CCSER1: variants seen among roughly 807,000 people sequenced by gnomAD.
CCSER1 encodes coiled-coil serine rich protein 1, also known as serine-rich coiled-coil domain-containing protein 1.
Under a neutral mutation model 82.0 loss-of-function variants are expected in CCSER1, and 41 were observed. The ratio of observed to expected loss-of-function variants is 0.50; its 90% CI spans 0.39 to 0.65. The LOEUF is 0.65. Ranked by LOEUF, CCSER1 falls within the 30% of genes least tolerant of loss-of-function variation. CCSER1 has a pLI of 0.00. For missense variants in CCSER1, 1,119 were observed against 1,064.2 expected (o/e 1.05, Z -0.72); for synonymous variants, 414 against 383.9 (o/e 1.08, Z -0.92).
At chr4:91,229,051 A>G (rs1738419043) in intron 10 of CCSER1, among the ~76,000 whole-genome samples, 1 of 152,178 alleles carries the variant, frequency 6.6e-6, no homozygotes, top group African/African-American at 2.4e-5. Flanking sequence ...CGGGCCAATG[A>G]TAAATCACAT....
Position 90,832,726 on chromosome 4 carries a change from A to T in CCSER1, c.2094+16881A>T, listed in dbSNP as rs557369357. Among the ~76,000 whole-genome samples the T allele has an allele frequency of 2.0e-5, 3 of 152,344 alleles. No homozygotes were observed. The South Asian group carries it at 6.2e-4, about 32-fold the overall frequency. ...CACACCAAAGGATGCTGACAAGGCCAGTCTTTGTCAACACTTTATAGATTT... is the reference window on the plus strand; with the variant it reads ...CACACCAAAGGATGCTGACAAGGCCTGTCTTTGTCAACACTTTATAGATTT... On this transcript the variant is annotated intron_variant, in intron 8 of 10. Transcript: ENST00000509176.
intron 10 of CCSER1, among the ~76,000 whole-genome samples, chr4:91,519,795 G>A (rs1760353451): frequency 6.6e-6 from 1 of 152,188 alleles, no homozygotes; most frequent in Admixed American, 6.5e-5. Context: ...CATGGGTTGA[G>A]TTGTCAAGTT....
At chr4:91,431,308 A>C (rs1362625540) in intron 10 of CCSER1, among the ~76,000 whole-genome samples, 1 of 152,216 alleles carries the variant, frequency 6.6e-6, no homozygotes, top group East Asian at 1.9e-4. Flanking sequence ...CAGAGCTCAA[A>C]TTTGGAAAAA....
intron 10 of CCSER1, among the ~76,000 whole-genome samples, chr4:91,320,401 G>T (rs573783535): frequency 8.6e-5 from 13 of 152,042 alleles, no homozygotes; most frequent in Middle Eastern, 3.4e-3. Context: ...CTTTAATTAG[G>T]CATGATTGTG....
chr4:91,401,369 TATATA>T (rs1446173796), intron 10 of CCSER1, among the ~76,000 whole-genome samples: 10 of 148,292 alleles, frequency 6.7e-5, no homozygotes, highest in East Asian at 1.9e-4. Context: ...CTATATATTA[TATATA>T]ATATAACATA....
At chr4:91,396,796 A>G (rs1752006895) in intron 10 of CCSER1, among the ~76,000 whole-genome samples, 1 of 152,062 alleles carries the variant, frequency 6.6e-6, no homozygotes, top group African/African-American at 2.4e-5. Flanking sequence ...AATAACTCAT[A>G]AATCAAAAAA....
chr4:91,442,380 G>C (rs1190959714), intron 10 of CCSER1, among the ~76,000 whole-genome samples: 106 of 151,402 alleles, frequency 7.0e-4, no homozygotes, highest in African/African-American at 2.1e-3. Context: ...GAAAGGATTC[G>C]CTATTTAATA....
chr4:91,141,090 C>CT (rs1051239403), intron 10 of CCSER1, among the ~76,000 whole-genome samples: 1 of 151,396 alleles, frequency 6.6e-6, no homozygotes, highest in African/African-American at 2.4e-5. Flanking sequence ...CATTAATTTA[C>CT]TTTTTACTTA....
chr4:91,103,052 C>T (rs1342830345), intron 10 of CCSER1, among the ~76,000 whole-genome samples: 1 of 152,112 alleles, frequency 6.6e-6, no homozygotes, highest in Non-Finnish European at 1.5e-5. Flanking sequence ...TTTGGCATTG[C>T]TGTGTAACGT....
chr4:91,406,841 C>G (rs950587045), intron 10 of CCSER1, among the ~76,000 whole-genome samples: 6 of 152,056 alleles, frequency 3.9e-5, no homozygotes, highest in Admixed American at 1.3e-4. Context: ...GTTTCTAAGT[C>G]CTCAGTTTTT....
At chr4:90,538,821 A>G (rs953530146) in intron 5 of CCSER1, among the ~76,000 whole-genome samples, 4 of 152,112 alleles carry the variant, frequency 2.6e-5, no homozygotes, top group Non-Finnish European at 5.9e-5. Context: ...AATTATAATG[A>G]GAAATATAAT....
chr4:90,681,970 C>T (rs144010585), intron 6 of CCSER1, among the ~76,000 whole-genome samples: 36 of 151,834 alleles, frequency 2.4e-4, no homozygotes, highest in Non-Finnish European at 4.0e-4. Context: ...TAATTCTCTA[C>T]TTGTCCACTA....
chr4:90,195,563 A>T lies in CCSER1; in HGVS notation c.-42+67732A>T, dbSNP rs145236718. 2.7e-4 allele frequency among the ~76,000 whole-genome samples: 41 copies of T among 152,170 alleles called. No homozygotes were observed. The East Asian group carries it at 7.4e-3, about 27-fold the overall frequency. On this transcript the variant is annotated intron_variant, in intron 1 of 10. Coordinates refer to ENST00000509176, the MANE Select transcript of CCSER1 (RefSeq NM_001145065.2). Reference sequence around the variant, plus strand: ...TTATAAATTTGTCCAAACCCATAGGATACGCAAGACCAAGCATGAACTCTA... The same window carrying T: ...TTATAAATTTGTCCAAACCCATAGGTTACGCAAGACCAAGCATGAACTCTA...
chr4:91,296,539 A>C lies in CCSER1; in HGVS notation c.2217+210545A>C, dbSNP rs1455118775. Among the ~76,000 whole-genome samples, 5 of 145,536 alleles carry C rather than the reference A, an allele frequency of 3.4e-5. 1 individual carries two copies. Among genetic ancestry groups the C allele is most frequent in the Non-Finnish European group, 7.5e-5 (5 of 66,824 alleles). ...AATTATAGATATAGATATAAAAATA[A>C]CAATATAACTATAGATGCTTTATAT... On this transcript the variant is annotated intron_variant, in intron 10 of 10. Coordinates refer to ENST00000509176, the MANE Select transcript of CCSER1 (RefSeq NM_001145065.2).
At chr4:91,574,250 G>T (rs1329489895) in intron 10 of CCSER1, among the ~76,000 whole-genome samples, 1 of 88,706 alleles carries the variant, frequency 1.1e-5, no homozygotes, top group Non-Finnish European at 2.4e-5. Flanking sequence ...TGCTACTGAG[G>T]TTCTGGAAAA....
At chr4:90,889,799 C>A (rs720949) in intron 8 of CCSER1, among the ~76,000 whole-genome samples, 62,177 of 151,908 alleles carry the variant, frequency 0.41, 13,240 homozygotes, top group Non-Finnish European at 0.48. Context: ...TATTTGCACA[C>A]ATATAATCTT....
At chr4:91,028,041 A>G (rs12640033) in intron 9 of CCSER1, among the ~76,000 whole-genome samples, 51,455 of 151,832 alleles carry the variant, frequency 0.34, 10,534 homozygotes, top group East Asian at 0.58. Context: ...AAATTCAGCA[A>G]CAACACACTA....
chr4:91,572,277 A>G (rs1763222332), intron 10 of CCSER1, among the ~76,000 whole-genome samples: 1 of 152,158 alleles, frequency 6.6e-6, no homozygotes, highest in Admixed American at 6.5e-5. Context: ...CAGTGAAGAT[A>G]GCAGCCTGTC....
intron 5 of CCSER1, among the ~76,000 whole-genome samples, chr4:90,592,227 A>C (rs1171824446): frequency 6.6e-6 from 1 of 152,172 alleles, no homozygotes; most frequent in South Asian, 2.1e-4. Context: ...ATAAAAAAAG[A>C]AAAAGAAAAC....
Sources: gnomAD v4.1 joint callset for allele counts (sites outside exome capture counted in the v4.1 genomes callset) on GRCh38, gnomAD v4.1.1 for gene constraint, MANE v1.5 for transcripts, NCBI Gene and HGNC (gene_info 2026-07-23, HGNC 2026-07-21) for gene names.